The following SLC17A8 variants were observed in gnomAD, a reference collection of about 807,000 sequenced individuals.
The protein encoded by SLC17A8 is vesicular glutamate transporter 3.
SLC17A8 carries 31 observed loss-of-function variants against 58.0 expected under a neutral mutation model. The ratio of observed to expected loss-of-function variants is 0.53; its 90% CI spans 0.40 to 0.72. SLC17A8 has a LOEUF of 0.72. SLC17A8 is among the 30% of genes least tolerant of loss of function. The pLI is 0.00. For missense variants in SLC17A8, 655 were observed against 727.8 expected, an observed-to-expected ratio of 0.90 and a Z score of 1.15; for synonymous variants, 228 against 249.0, an observed-to-expected ratio of 0.92 and a Z score of 0.79.
chr12:100,385,079 T>C lies in SLC17A8; in HGVS notation c.354+4126T>C, dbSNP rs994191497. 4.2e-4 allele frequency among the ~76,000 whole-genome samples: 63 copies of C among 151,802 alleles called. 1 individual carries two copies. Among genetic ancestry groups the C allele is most frequent in the African/African-American group, 1.4e-3 (60 of 41,406 alleles). The stretch of plus-strand genomic sequence containing the variant: ...AGAGTGCACTATTGTCTAACTAGAA[T>C]CTCTGTGGGTTTGGGTTGCTGTCTC... On this transcript the variant is annotated intron_variant, in intron 2 of 11. Coordinates refer to ENST00000323346, the MANE Select transcript of SLC17A8 (RefSeq NM_139319.3).
chr12:100,419,626 T>A (rs1811799289), intron 11 of SLC17A8, among the ~76,000 whole-genome samples, 189 bp from the exon 12 acceptor site: 1 of 152,234 alleles, frequency 6.6e-6, no homozygotes. Context: ...TTTCATTTTT[T>A]AAGTTTTTCT....
In SLC17A8 at chr12:100,357,183, G is replaced by A. The variant is rs1230625193; in HGVS notation, c.-209G>A. 5.6e-6 allele frequency: 3 copies of A among 537,850 alleles called. No individual in the cohort carries two copies. The highest frequency in any genetic ancestry group is 6.7e-6 in the Non-Finnish European group (2 of 297,760). The allele number at this position is 537,850 out of a possible 1,614,324, so 33.3% of individuals were successfully genotyped here. On this transcript the variant is annotated 5_prime_UTR_variant, in exon 1 of 12. Transcript: ENST00000323346. ...CACCCCTTGGACTCTTTTTTGGAGG[G>A]GTGGGGAGCAGAGAGAGGAGGGAGT... is the stretch of plus-strand genomic sequence containing the variant.
rs117094346 is a variant in SLC17A8 at position 100,385,605 on chromosome 12, G to A, written c.354+4652G>A. 1.4e-4 allele frequency among the ~76,000 whole-genome samples: 21 copies of A among 152,232 alleles called. No homozygotes were observed. The East Asian group carries it at 4.1e-3, about 29-fold the overall frequency. On this transcript the variant is annotated intron_variant, in intron 2 of 11. Coordinates refer to ENST00000323346, the MANE Select transcript of SLC17A8 (RefSeq NM_139319.3). ...TCAGTCGGGGAGAATCCCATGTTGC[G>A]GGGGAAGGTGCAATCCTCTCAGAAG...
Position 100,357,343 on chromosome 12 carries a change from C to A in SLC17A8, c.-49C>A. 2 of 1,032,792 alleles carry A rather than the reference C, an allele frequency of 1.9e-6. No homozygotes were observed. Among genetic ancestry groups the A allele is most frequent in the Non-Finnish European group, 3.1e-6 (2 of 649,524 alleles). 64.0% of individuals were successfully genotyped at this position (1,032,792 alleles called of 1,614,324 possible). On this transcript the variant is annotated 5_prime_UTR_variant, in exon 1 of 12. Transcript: ENST00000323346. The stretch of plus-strand genomic sequence containing the variant: ...TCACACTGGAAATGAGGAAGGATGA[C>A]AGTTTTTGAGACTGACTGTTAACGG...
chr12:100,359,675 C>T (rs149492023), intron 1 of SLC17A8, among the ~76,000 whole-genome samples: 2,184 of 152,252 alleles, frequency 0.014, 33 homozygotes, highest in Middle Eastern at 0.054. Flanking sequence ...ATTGCTTGAG[C>T]GGTGATCCAA....
chr12:100,384,847 G>C (rs1566393201), intron 2 of SLC17A8, among the ~76,000 whole-genome samples: 1 of 152,270 alleles, frequency 6.6e-6, no homozygotes, highest in Non-Finnish European at 1.5e-5. Flanking sequence ...CTTTGCTAAG[G>C]TCTCCAGCTT....
intron 1 of SLC17A8, among the ~76,000 whole-genome samples, chr12:100,377,388 T>C (rs145015240): frequency 2.6e-4 from 40 of 151,968 alleles, no homozygotes; most frequent in African/African-American, 9.4e-4. Context: ...AACAACCCTA[T>C]GAAGAAGAAA....
intron 10 of SLC17A8, among the ~76,000 whole-genome samples, chr12:100,417,274 CAGT>C (rs1185382408): frequency 6.6e-6 from 1 of 152,158 alleles, no homozygotes; most frequent in African/African-American, 2.4e-5. Flanking sequence ...CAGAAGGTAG[CAGT>C]AGTAGTAGTG....
chr12:100,412,715 T>A (rs1241346940), intron 9 of SLC17A8, 55 bp from the exon 10 acceptor site: 1 of 1,130,514 alleles, frequency 8.8e-7, no homozygotes, highest in Non-Finnish European at 1.4e-6. Context: ...ATAAATGAAC[T>A]TGGGTTGACC....
intron 2 of SLC17A8, among the ~76,000 whole-genome samples, chr12:100,382,314 A>T (rs1952643523): frequency 6.6e-6 from 1 of 152,260 alleles, no homozygotes. Context: ...TTCAGAGGCC[A>T]TCATAGTTAT....
At chr12:100,389,821 A>ATTATTATTG (rs1952702140) in intron 2 of SLC17A8, among the ~76,000 whole-genome samples, 1 of 149,056 alleles carries the variant, frequency 6.7e-6, no homozygotes, top group East Asian at 2.0e-4. Context: ...TATTATTATT[A>ATTATTATTG]TTATTATTAT....
In SLC17A8 at chr12:100,420,204, A is replaced by C; in HGVS notation, c.*45A>C. The C allele has an allele frequency of 6.7e-7, 1 of 1,492,614 alleles. No individual in the cohort carries two copies. Among genetic ancestry groups the C allele is most frequent in the Non-Finnish European group, 9.2e-7 (1 of 1,087,838 alleles). 92.5% of individuals were successfully genotyped at this position (1,492,614 alleles called of 1,614,324 possible). A position where few individuals can be genotyped will look rare whatever the true frequency, so the allele number is the denominator to read the frequency against. ...TCTTCTCCTTACTTTAGAAACAGAA[A>C]GTATCCATACCTATTGCCTTTCTTG... On this transcript the variant is annotated 3_prime_UTR_variant, in exon 12 of 12. Transcript: ENST00000323346.
rs758564184 is a variant in SLC17A8 at position 100,419,957 on chromosome 12, T to C, written c.1568T>C (p.Ile523Thr). The C allele has an allele frequency of 4.2e-5, 68 of 1,614,038 alleles. No homozygotes were observed. The highest frequency in any genetic ancestry group is 5.8e-5 in the Non-Finnish European group (68 of 1,180,046). ...ENLSEEKCGIIDQDELAEEIE... is the reference protein window; with the variant it reads ...ENLSEEKCGITDQDELAEEIE... ...CTCTCTGAGGAGAAATGTGGAATCA[T>C]TGACCAGGACGAATTAGCTGAGGAG... The change falls in exon 12 of 12, where the codon ATT becomes ACT. Residue 523 changes from isoleucine to threonine, a missense_variant. By Grantham distance (89) the Ile-to-Thr change is moderately conservative. Coordinates refer to ENST00000323346, the MANE Select transcript of SLC17A8 (RefSeq NM_139319.3).
Position 100,421,864 on chromosome 12 carries a change from G to GC in SLC17A8, c.*1709dup. The GC allele has an allele frequency of 6.6e-6, 1 of 151,972 alleles. No homozygotes were observed. The highest frequency in any genetic ancestry group is 1.9e-4 in the East Asian group (1 of 5,188). 9.4% of individuals were successfully genotyped at this position (151,972 alleles called of 1,614,324 possible). On this transcript the variant is annotated 3_prime_UTR_variant, in exon 12 of 12. Transcript: ENST00000323346. ...CTCTTTAATGAGTGAATCCATGCAA[G>GC]CCCCATAAAACAGTTCCTAGCATGC...
chr12:100,403,157 C>A (rs1191917516), intron 8 of SLC17A8, among the ~76,000 whole-genome samples: 3 of 152,144 alleles, frequency 2.0e-5, no homozygotes, highest in African/African-American at 7.2e-5. Flanking sequence ...ATAGCAGTAA[C>A]AATCATTGCT....
intron 5 of SLC17A8, among the ~76,000 whole-genome samples, chr12:100,401,250 C>G (rs960053051): frequency 6.6e-6 from 1 of 151,808 alleles, no homozygotes; most frequent in Non-Finnish European, 1.5e-5. Context: ...CTGTCCACCT[C>G]AGCCTCCCAA....
rs377298287 is a variant in SLC17A8, at chr12:100,380,929, T to C, written c.330T>C (p.Tyr110=). 7.2e-5 allele frequency: 116 copies of C among 1,614,008 alleles called. No individual in the cohort carries two copies. Among genetic ancestry groups the C allele is most frequent in the Non-Finnish European group, 9.6e-5 (113 of 1,180,046 alleles). ...AAATGGTCAACAATAGCACCGTATA[T>C]GTTGATGGAAAACCGGAAATTCAGG... ...IVEMVNNSTV[Y]VDGKPEIQTA... The change falls in exon 2 of 12, where the codon TAT becomes TAC. Residue 110 remains tyrosine (Y), a synonymous_variant. Coordinates refer to ENST00000323346, the MANE Select transcript of SLC17A8 (RefSeq NM_139319.3).
At chr12:100,419,331 G>C (rs1344704051) in intron 11 of SLC17A8, among the ~76,000 whole-genome samples, 1 of 152,010 alleles carries the variant, frequency 6.6e-6, no homozygotes, top group Non-Finnish European at 1.5e-5. Context: ...TCAGGAGATC[G>C]AGACCATCCT....
chr12:100,397,241 C>A (rs965502224), intron 5 of SLC17A8, among the ~76,000 whole-genome samples: 1 of 152,154 alleles, frequency 6.6e-6, no homozygotes, highest in African/African-American at 2.4e-5. Flanking sequence ...CACGCCTCTT[C>A]TTTTTATATG....
Sources: allele counts gnomAD v4.1 joint callset (sites outside exome capture counted in the v4.1 genomes callset), GRCh38; gene constraint gnomAD v4.1.1; transcripts MANE v1.5; gene names NCBI Gene and HGNC (gene_info 2026-07-23, HGNC 2026-07-21).